CREB5: variants seen among roughly 807,000 people sequenced by gnomAD.
The protein encoded by CREB5 is cAMP responsive element binding protein 5, also known as cyclic AMP-responsive element-binding protein 5.
CREB5 carries 19 observed loss-of-function variants against 57.1 expected under a neutral mutation model. That is an observed-to-expected ratio of 0.33 (90% CI 0.23 to 0.49). The LOEUF (loss-of-function observed/expected upper bound fraction) is 0.49. Among genes scored for constraint, CREB5 ranks in the 20% least tolerant of loss-of-function variants. The pLI is 0.99. For synonymous variants in CREB5, 238 were observed against 238.3 expected, an observed-to-expected ratio of 1.00 and a Z score of 0.01; for missense variants, 579 against 671.6, an observed-to-expected ratio of 0.86 and a Z score of 1.52.
At position 28,561,001 on chromosome 7, in the gene CREB5, T is replaced by TGTGTGTGTGTGC. The variant is rs1562798396; in HGVS notation, c.292-9361_292-9360insTGTGTGTGCGTG. On this transcript the variant is annotated intron_variant, in intron 4 of 10. Transcript: ENST00000357727. ...GTGTGCGTGCGTGTGTGTGCCTGCG[T>TGTGTGTGTGTGC]GTGCGTGTGTGTGTGCGTGTGTGCG... Among the ~76,000 whole-genome samples the TGTGTGTGTGTGC allele has an allele frequency of 1.2e-4, 3 of 25,274 alleles. 1 individual carries two copies. Among genetic ancestry groups the TGTGTGTGTGTGC allele is most frequent in the African/African-American group, 4.0e-4 (3 of 7,434 alleles). 16.6% of individuals were successfully genotyped at this position (25,274 alleles called of 152,430 possible). A position where few individuals can be genotyped will look rare whatever the true frequency, so the allele number is the denominator to read the frequency against.
At chr7:28,343,863 TG>T (rs920349195) in intron 1 of CREB5, among the ~76,000 whole-genome samples, 3 of 152,224 alleles carry the variant, frequency 2.0e-5, no homozygotes, top group African/African-American at 7.2e-5. Context: ...TGCCAACCTT[TG>T]TTATCTTTTG....
chr7:28,415,233 GC>G (rs1235194626), intron 1 of CREB5, among the ~76,000 whole-genome samples: 1 of 152,090 alleles, frequency 6.6e-6, no homozygotes, highest in African/African-American at 2.4e-5. Flanking sequence ...AAGGCTTATG[GC>G]TTTACACGGA....
intron 7 of CREB5, among the ~76,000 whole-genome samples, chr7:28,756,866 T>G (rs911961098): frequency 5.3e-5 from 8 of 152,190 alleles, no homozygotes; most frequent in African/African-American, 1.7e-4. Flanking sequence ...CAGAGAGAGA[T>G]CAACTGGCTA....
intron 5 of CREB5, among the ~76,000 whole-genome samples, chr7:28,672,870 A>G (rs906879950): frequency 3.3e-5 from 5 of 152,212 alleles, no homozygotes; most frequent in African/African-American, 9.7e-5. Flanking sequence ...ACTGTGTGAG[A>G]TTGTATTAAC....
chr7:28,413,124 G>A (rs887473118), intron 1 of CREB5, among the ~76,000 whole-genome samples: 2 of 137,924 alleles, frequency 1.5e-5, no homozygotes, highest in Non-Finnish European at 3.2e-5. Flanking sequence ...GTGTGTGTGT[G>A]TGAATAAGAC....
intron 7 of CREB5, among the ~76,000 whole-genome samples, chr7:28,737,500 T>C (rs1804044573): frequency 6.9e-6 from 1 of 145,094 alleles, no homozygotes; most frequent in Non-Finnish European, 1.5e-5. Context: ...TCTCTCTCTC[T>C]CTCTCTGTGT....
chr7:28,300,291 T>C (rs1431856924), intron 1 of CREB5, among the ~76,000 whole-genome samples: 3 of 152,158 alleles, frequency 2.0e-5, no homozygotes, highest in Admixed American at 6.5e-5. Flanking sequence ...TGTGAGAAGA[T>C]AATTTGCTTG....
At chr7:28,798,762 A>G (rs1390645628) in intron 7 of CREB5, among the ~76,000 whole-genome samples, 1 of 152,218 alleles carries the variant, frequency 6.6e-6, no homozygotes, top group East Asian at 1.9e-4. Context: ...CAGAAAGTCG[A>G]CAAGAATCAT....
intron 5 of CREB5, among the ~76,000 whole-genome samples, chr7:28,682,993 C>T (rs900201117): frequency 6.6e-6 from 1 of 152,186 alleles, no homozygotes; most frequent in African/African-American, 2.4e-5. Context: ...GCGCGGTACC[C>T]ACCACCCTCT....
At chr7:28,802,208 T>C in intron 7 of CREB5, among the ~76,000 whole-genome samples, 1 of 151,590 alleles carries the variant, frequency 6.6e-6, no homozygotes, top group East Asian at 1.9e-4. Flanking sequence ...TATCTGTTGC[T>C]CATGAAAGAG....
At chr7:28,422,821 G>T (rs1353162539) in intron 1 of CREB5, among the ~76,000 whole-genome samples, 2 of 152,160 alleles carry the variant, frequency 1.3e-5, no homozygotes, top group Non-Finnish European at 2.9e-5. Context: ...CTCTATGAGA[G>T]TAACTGCCTG....
intron 7 of CREB5, among the ~76,000 whole-genome samples, chr7:28,803,734 T>A (rs984255403): frequency 7.8e-6 from 1 of 128,192 alleles, no homozygotes; most frequent in African/African-American, 3.1e-5. Flanking sequence ...CCAGCCTGAG[T>A]GACAGAGCAA....
At chr7:28,303,436 A>T (rs1785135398) in intron 1 of CREB5, among the ~76,000 whole-genome samples, 1 of 152,252 alleles carries the variant, frequency 6.6e-6, no homozygotes, top group African/African-American at 2.4e-5. Context: ...ATAAATCAAG[A>T]GGGGGAAATT....
chr7:28,742,038 C>G (rs1341508318), intron 7 of CREB5, among the ~76,000 whole-genome samples: 1 of 144,390 alleles, frequency 6.9e-6, no homozygotes, highest in East Asian at 2.0e-4. Flanking sequence ...TGCACTCCAG[C>G]CTGAGCAACA....
At chr7:28,424,270 C>T (rs1232534055) in intron 1 of CREB5, among the ~76,000 whole-genome samples, 1 of 152,216 alleles carries the variant, frequency 6.6e-6, no homozygotes, top group Non-Finnish European at 1.5e-5. Context: ...TCCAACATAT[C>T]TCCTTTCAGG....
At chr7:28,577,020 G>T (rs1008164443) in intron 5 of CREB5, among the ~76,000 whole-genome samples, 3 of 152,216 alleles carry the variant, frequency 2.0e-5, no homozygotes, top group African/African-American at 7.2e-5. Flanking sequence ...ACAAGAGCTT[G>T]CTTGGAGCAA....
Position 28,763,814 on chromosome 7 carries a change from T to TA in CREB5, c.702+39482_702+39483insA, listed in dbSNP as rs879830188. Among the ~76,000 whole-genome samples the TA allele has an allele frequency of 8.0e-3, 1,211 of 151,878 alleles. 6 individuals carry two copies. The highest frequency in any genetic ancestry group is 0.014 in the Middle Eastern group (4 of 294). On this transcript the variant is annotated intron_variant, in intron 7 of 10. Coordinates refer to ENST00000357727, the MANE Select transcript of CREB5 (RefSeq NM_182898.4). ...GGGGATATTATTATTATTATTATTT[T>TA]TTTTTGAGACAGGGTCTTGCTCTGT...
chr7:28,346,425 G>T (rs182897663), intron 1 of CREB5, among the ~76,000 whole-genome samples: 207 of 152,280 alleles, frequency 1.4e-3, no homozygotes, highest in African/African-American at 4.8e-3. Flanking sequence ...TCCCATTCAC[G>T]AGGGCTCCAC....
chr7:28,400,855 A>T (rs1220388594), intron 1 of CREB5, among the ~76,000 whole-genome samples: 1 of 152,234 alleles, frequency 6.6e-6, no homozygotes, highest in African/African-American at 2.4e-5. Context: ...ATACAAAAAG[A>T]AGTGCTATGT....
Sources: gnomAD v4.1 joint callset for allele counts (sites outside exome capture counted in the v4.1 genomes callset) on GRCh38, gnomAD v4.1.1 for gene constraint, MANE v1.5 for transcripts, NCBI Gene and HGNC (gene_info 2026-07-23, HGNC 2026-07-21) for gene names.